NRBP1: variants seen among roughly 807,000 people sequenced by gnomAD.
NRBP1 encodes nuclear receptor binding protein 1.
In NRBP1, 10 loss-of-function variants were observed where a neutral mutation model predicts 76.0. That is an observed-to-expected ratio of 0.13 (90% CI 0.08 to 0.22). NRBP1 has a LOEUF of 0.22. Among genes scored for constraint, NRBP1 ranks in the 10% least tolerant of loss-of-function variants. The probability of loss-of-function intolerance (pLI) is 1.00; values close to 1 mark genes in which losing one functional copy is unlikely to be tolerated. For synonymous variants in NRBP1, 235 were observed against 240.2 expected, an observed-to-expected ratio of 0.98 and a Z score of 0.20; for missense variants, 344 against 646.0, an observed-to-expected ratio of 0.53 and a Z score of 5.07.
intron 4 of NRBP1, 62 bp from the exon 5 acceptor site, chr2:27,434,409 G>A: frequency 8.6e-7 from 1 of 1,169,210 alleles, no homozygotes; most frequent in Non-Finnish European, 1.3e-6. Context: ...TTTAAAATAT[G>A]TTAACAAGGG....
At chr2:27,441,381 T>C in intron 16 of NRBP1, 51 bp downstream of exon 16, 1 of 1,576,274 alleles carries the variant, frequency 6.3e-7, no homozygotes, top group Non-Finnish European at 8.7e-7. Context: ...GCCTTATCTT[T>C]TAGGGACATA....
intron 1 of NRBP1, 80 bp downstream of exon 1, chr2:27,428,811 G>A: frequency 2.5e-6 from 1 of 398,126 alleles, no homozygotes; most frequent in Non-Finnish European, 4.4e-6. Flanking sequence ...GGCCCGGGAC[G>A]GTGGGACCCG....
Position 27,434,777 on chromosome 2 carries a change from G to A in NRBP1, c.566+15G>A, listed in dbSNP as rs749662083. 3 of 1,612,798 alleles carry A rather than the reference G, an allele frequency of 1.9e-6. No individual in the cohort carries two copies. The South Asian group carries it at 3.3e-5, about 18-fold the overall frequency. The stretch of plus-strand genomic sequence containing the variant: ...TCTGCCCTAAGGTAAGTAGTACCTG[G>A]TTAGTTTCTTACCCATATTTCCTGA... On this transcript the variant is annotated intron_variant, in intron 6 of 17. Transcript: ENST00000379852.
chr2:27,433,188 A>G (rs1664169553), intron 1 of NRBP1, 66 bp from the exon 2 acceptor site: 2 of 1,214,832 alleles, frequency 1.6e-6, no homozygotes, highest in East Asian at 4.7e-5. Flanking sequence ...CTGGATTACT[A>G]AATCTTTACA....
rs74372203 is a variant in NRBP1, at chr2:27,437,125, G to C, written c.804+20G>C. On this transcript the variant is annotated intron_variant, in intron 9 of 17. Coordinates refer to ENST00000379852, the MANE Select transcript of NRBP1 (RefSeq NM_013392.4). The stretch of plus-strand genomic sequence containing the variant: ...CTGGAGGTGAGGGGACTGGAGGGGA[G>C]GGGGGAAAGGGGTCAGATGAGAAGA... 6,656 of 1,607,836 alleles carry C rather than the reference G, an allele frequency of 4.1e-3. 242 individuals are homozygous for C. The African/African-American group carries it at 0.077, about 18-fold the overall frequency.
intron 3 of NRBP1, 44 bp downstream of exon 3, chr2:27,433,839 C>G: frequency 6.2e-7 from 1 of 1,613,496 alleles, no homozygotes; most frequent in African/African-American, 1.3e-5. Flanking sequence ...TGTTGGAACA[C>G]TGATGTTAGA....
At chr2:27,432,730 C>T (rs1012553583) in intron 1 of NRBP1, among the ~76,000 whole-genome samples, 7 of 151,626 alleles carry the variant, frequency 4.6e-5, no homozygotes, top group African/African-American at 1.7e-4. Flanking sequence ...TGTGTACCAC[C>T]TTGCCCTGCT....
intron 7 of NRBP1, chr2:27,436,099 T>G (rs1178558033): frequency 9.7e-6 from 4 of 413,458 alleles, no homozygotes; most frequent in African/African-American, 8.0e-5. Flanking sequence ...CGTTCAGCTC[T>G]GTGGCAGACA....
At chr2:27,435,874 T>G in intron 7 of NRBP1, 1 of 698,886 alleles carries the variant, frequency 1.4e-6, no homozygotes, top group South Asian at 1.5e-5. Flanking sequence ...TTATGCCTGC[T>G]TAGCTTCTGC....
chr2:27,428,937 C>A (rs1159076487), intron 1 of NRBP1, among the ~76,000 whole-genome samples: 1 of 151,914 alleles, frequency 6.6e-6, no homozygotes, highest in Non-Finnish European at 1.5e-5. Context: ...CCCTCCCTGG[C>A]GTCTCTGGCT....
In NRBP1 at chr2:27,433,805, G is replaced by A. The variant is rs768528115; in HGVS notation, c.333+10G>A. 6.2e-7 allele frequency: 1 copy of A among 1,614,154 alleles called. No homozygotes were observed. Among genetic ancestry groups the A allele is most frequent in the Admixed American group, 1.7e-5 (1 of 60,016 alleles). Reference sequence around the variant, plus strand: ...CTACAAGCTGCAGGAGGTAGGTGATGCTGAAAAGGTGAAGCCTGGGGAATG... The same window carrying A: ...CTACAAGCTGCAGGAGGTAGGTGATACTGAAAAGGTGAAGCCTGGGGAATG... On this transcript the variant is annotated intron_variant, in intron 3 of 17. Transcript: ENST00000379852.
chr2:27,437,130 G>T, intron 9 of NRBP1, 25 bp downstream of exon 9: 1 of 1,606,246 alleles, frequency 6.2e-7, no homozygotes, highest in Non-Finnish European at 8.5e-7. Flanking sequence ...GGGGAGGGGG[G>T]AAAGGGGTCA....
rs1402718145 is a variant in NRBP1, at chr2:27,442,161, CCGGGGCGGG to C, written c.*350_*358del. ...GAATTCTACAATCCCGCTGGGGCGG[CCGGGGCGGG>C]AGAGAAAGGTGGTGCTGCAGTGGTG... On this transcript the variant is annotated 3_prime_UTR_variant, in exon 18 of 18. Coordinates refer to ENST00000379852, the MANE Select transcript of NRBP1 (RefSeq NM_013392.4). 1.9e-6 allele frequency: 1 copy of C among 530,768 alleles called. No homozygotes were observed. The highest frequency in any genetic ancestry group is 3.3e-6 in the Non-Finnish European group (1 of 303,954). 32.9% of individuals were successfully genotyped at this position (530,768 alleles called of 1,614,324 possible).
At chr2:27,432,472 G>A (rs1190339338) in intron 1 of NRBP1, among the ~76,000 whole-genome samples, 1 of 152,196 alleles carries the variant, frequency 6.6e-6, no homozygotes, top group African/African-American at 2.4e-5. Context: ...TAAAAGTTTT[G>A]TGTAGAGACT....
chr2:27,437,020 A>G (rs769874548), intron 8 of NRBP1, 27 bp from the exon 9 acceptor site: 1 of 1,607,062 alleles, frequency 6.2e-7, no homozygotes, highest in Non-Finnish European at 8.5e-7. Context: ...TCCTCTGATT[A>G]ACCAAAGCCT....
At position 27,442,226 on chromosome 2, in the gene NRBP1, T is replaced by C; in HGVS notation, c.*414T>C. ...GGGGGGCCATTCGATTCGCCTCAGT[T>C]GCTGCTGTAATAAAAGTCTACTTTT... On this transcript the variant is annotated 3_prime_UTR_variant, in exon 18 of 18. Coordinates refer to ENST00000379852, the MANE Select transcript of NRBP1 (RefSeq NM_013392.4). 1 of 570,388 alleles carries C rather than the reference T, an allele frequency of 1.8e-6. No homozygotes were observed. Among genetic ancestry groups the C allele is most frequent in the Non-Finnish European group, 3.0e-6 (1 of 335,180 alleles). The allele number at this position is 570,388 out of a possible 1,614,324, so 35.3% of individuals were successfully genotyped here. A position where few individuals can be genotyped will look rare whatever the true frequency, so the allele number is the denominator to read the frequency against.
At chr2:27,437,149 G>A (rs2148450513) in intron 9 of NRBP1, 44 bp downstream of exon 9, 1 of 1,600,498 alleles carries the variant, frequency 6.2e-7, no homozygotes. Context: ...CAGATGAGAA[G>A]ATGGAATTGG....
At chr2:27,437,460 G>A in intron 10 of NRBP1, 100 bp downstream of exon 10, 1 of 829,164 alleles carries the variant, frequency 1.2e-6, no homozygotes. Flanking sequence ...AAGAGCTAGG[G>A]AACATAACAG....
Position 27,441,290 on chromosome 2 carries a change from G to A in NRBP1, c.1407G>A (p.Glu469=). The change falls in exon 16 of 18, where the codon GAG becomes GAA. Residue 469 remains glutamate (E), a synonymous_variant. Coordinates refer to ENST00000379852, the MANE Select transcript of NRBP1 (RefSeq NM_013392.4). ...KHHLTLLLKL[E]DKLNRHLSCD... ...AGCTGACACTTCTGCTGAAGTTGGA[G>A]GACAAACTGAACCGGCACCTGAGCT... 6.2e-7 allele frequency: 1 copy of A among 1,614,150 alleles called. No homozygotes were observed. The highest frequency in any genetic ancestry group is 8.5e-7 in the Non-Finnish European group (1 of 1,180,026).
Sources: allele counts gnomAD v4.1 joint callset (sites outside exome capture counted in the v4.1 genomes callset), GRCh38; gene constraint gnomAD v4.1.1; transcripts MANE v1.5; gene names NCBI Gene and HGNC (gene_info 2026-07-23, HGNC 2026-07-21).